Variants in ACYP1 observed in about 807,000 individuals in gnomAD.
ACYP1 encodes the protein acylphosphatase 1.
A neutral mutation model predicts 10.4 loss-of-function variants in ACYP1; 8 were observed. The observed-to-expected ratio is 0.77, with a 90% CI of 0.45 to 1.38. The LOEUF (loss-of-function observed/expected upper bound fraction) is 1.38, where lower values mean the gene tolerates loss of function less well. ACYP1 is among the 40% of genes most tolerant of loss of function. ACYP1 has a pLI of 0.00. For missense variants in ACYP1, 93 were observed against 117.3 expected (o/e 0.79, Z 0.96); for synonymous variants, 38 against 40.8 (o/e 0.93, Z 0.26).
intron 2 of ACYP1, among the ~76,000 whole-genome samples, chr14:75,062,091 A>C (rs1470227806): frequency 9.9e-6 from 1 of 101,000 alleles, no homozygotes; most frequent in Non-Finnish European, 2.1e-5. Context: ...AAAAGAATGA[A>C]ACTCTGTCTC....
chr14:75,056,336 G>A lies in ACYP1; in HGVS notation c.85-2677C>T, dbSNP rs1472645137. Among the ~76,000 whole-genome samples, 2 of 151,440 alleles carry A rather than the reference G, an allele frequency of 1.3e-5. 1 individual carries two copies. Among genetic ancestry groups the A allele is most frequent in the African/African-American group, 4.9e-5 (2 of 40,922 alleles). ...GCATTATCCTCATACTAAAACTAAA[G>A]CTAAAAAATAAAAATGAAAAATAAG... On this transcript the variant is annotated intron_variant, in intron 2 of 2. Coordinates refer to ENST00000238618, the MANE Select transcript of ACYP1 (RefSeq NM_001107.5).
chr14:75,059,866 G>A (rs1892975181), intron 2 of ACYP1: 2 of 169,270 alleles, frequency 1.2e-5, no homozygotes, highest in African/African-American at 2.4e-5. Context: ...AGCCACAAAA[G>A]GACAAATACT....
In ACYP1 at chr14:75,053,577, A is replaced by G. The variant is rs1390537404; in HGVS notation, c.167T>C (p.Ile56Thr). 1.9e-6 allele frequency: 3 copies of G among 1,614,088 alleles called. No individual in the cohort carries two copies. Among genetic ancestry groups the G allele is most frequent in the African/African-American group, 1.3e-5 (1 of 74,996 alleles). ...GTVQGQLQGP[I>T]SKVRHMQEWL... Reference sequence around the variant, plus strand: ...TTCCTGCATATGACGCACCTTGGAGATGGGACCTTGCAATTGTCCTTGCAC... The same window carrying G: ...TTCCTGCATATGACGCACCTTGGAGGTGGGACCTTGCAATTGTCCTTGCAC... Residue 56 changes from isoleucine to threonine, a missense_variant, in exon 3 of 3, where the codon ATC becomes ACC. Physicochemically the swap from Ile to Thr is moderately conservative, Grantham distance 89. Transcript: ENST00000238618.
intron 2 of ACYP1, chr14:75,062,935 A>G (rs1313085407): frequency 6.5e-6 from 1 of 154,356 alleles, no homozygotes; most frequent in Non-Finnish European, 1.4e-5. Flanking sequence ...GAATGGATAA[A>G]GAGTTTTTAA....
At chr14:75,059,513 G>C (rs1892967277) in intron 2 of ACYP1, among the ~76,000 whole-genome samples, 1 of 152,110 alleles carries the variant, frequency 6.6e-6, no homozygotes, top group Non-Finnish European at 1.5e-5. Flanking sequence ...AAATTAAAAA[G>C]ACAACCCACA....
chr14:75,056,063 C>T (rs1447430256), intron 2 of ACYP1, among the ~76,000 whole-genome samples: 1 of 151,188 alleles, frequency 6.6e-6, no homozygotes, highest in Non-Finnish European at 1.5e-5. Context: ...ACAACCAAAA[C>T]TGAATCAAGA....
At chr14:75,062,095 C>G (rs1200132551) in intron 2 of ACYP1, among the ~76,000 whole-genome samples, 5 of 58,258 alleles carry the variant, frequency 8.6e-5, no homozygotes, top group Non-Finnish European at 1.5e-4. Context: ...GAATGAAACT[C>G]TGTCTCAAAA....
chr14:75,064,320 T>C (rs1200767669), upstream of ACYP1: 2 of 152,242 alleles, frequency 1.3e-5, no homozygotes, highest in African/African-American at 4.8e-5. Flanking sequence ...ATACATTCAA[T>C]CATTCAATTA....
intron 2 of ACYP1, chr14:75,063,160 CTT>C (rs1347489776): frequency 2.9e-6 from 1 of 341,108 alleles, no homozygotes; most frequent in African/African-American, 2.1e-5. Flanking sequence ...AGAAACCTGA[CTT>C]GGTTTGATGA....
rs762215772 is a variant in ACYP1, at chr14:75,063,509, A to C, written c.45T>G (p.Phe15Leu). 3.7e-6 allele frequency: 6 copies of C among 1,613,880 alleles called. No individual in the cohort carries two copies. Among genetic ancestry groups the C allele is most frequent in the Non-Finnish European group, 5.1e-6 (6 of 1,179,878 alleles). ...NTLISVDYEI[F>L]GKVQGVFFRK... is the part of the protein sequence containing the mutation. ...GGAAAAACACCCCTTGCACCTTCCC[A>C]AAAATTTCATAATCCACTGATATCA... Residue 15 changes from phenylalanine (F) to leucine (L), a missense_variant, in exon 2 of 3, where the codon TTT becomes TTG. By Grantham distance (22) the Phe-to-Leu change is conservative (BLOSUM62 0). Coordinates refer to ENST00000238618, the MANE Select transcript of ACYP1 (RefSeq NM_001107.5).
At chr14:75,057,208 CAATGAAAAACTGAA>C (rs1892897667) in intron 2 of ACYP1, among the ~76,000 whole-genome samples, 1 of 151,284 alleles carries the variant, frequency 6.6e-6, no homozygotes, top group African/African-American at 2.4e-5. Flanking sequence ...TATACACTAG[CAATGAAAAACTGAA>C]AATGAAATTA....
In ACYP1 at chr14:75,053,516, G is replaced by A. The variant is rs775451365; in HGVS notation, c.228C>T (p.Ile76=). The change falls in exon 3 of 3, where the codon ATC becomes ATT. Residue 76 remains isoleucine, a synonymous_variant. Coordinates refer to ENST00000238618, the MANE Select transcript of ACYP1 (RefSeq NM_001107.5). ...LETRGSPKSH[I]DKANFNNEKV... ...TTTCATTGTTGAAGTTTGCTTTGTCGATGTGTGATTTAGGACTTCCTCTTG... is the reference window on the plus strand; with the variant it reads ...TTTCATTGTTGAAGTTTGCTTTGTCAATGTGTGATTTAGGACTTCCTCTTG... 5 of 1,613,992 alleles carry A rather than the reference G, an allele frequency of 3.1e-6. No individual in the cohort carries two copies. The highest frequency in any genetic ancestry group is 2.2e-5 in the East Asian group (1 of 44,888).
chr14:75,060,262 C>G, intron 2 of ACYP1: 1 of 690,634 alleles, frequency 1.4e-6, no homozygotes, highest in Non-Finnish European at 2.6e-6. Flanking sequence ...TCATTAATAC[C>G]TGAAAAACAA....
rs751612318 is a variant in ACYP1 at position 75,069,281 on chromosome 14, G to C, written c.11C>G (p.Ser4Cys). 17 of 1,447,246 alleles carry C rather than the reference G, an allele frequency of 1.2e-5. No individual in the cohort carries two copies. The South Asian group carries it at 2.4e-4, about 20-fold the overall frequency. 89.7% of individuals were successfully genotyped at this position (1,447,246 alleles called of 1,614,324 possible). ...CAGCCCCGCTCCCGCCAGGCGGGCG[G>C]ACGCCGGCATCCTGCGGCGGAAGCA... The change falls in exon 1 of 3, where the codon TCC becomes TGC. Residue 4 changes from serine to cysteine, a missense_variant. Coordinates refer to the ACYP1 transcript ENST00000555463.
intron 2 of ACYP1, among the ~76,000 whole-genome samples, chr14:75,055,079 CTTTTTTTTTTTTTTT>C (rs33920224): frequency 4.0e-5 from 3 of 75,086 alleles, no homozygotes; most frequent in South Asian, 6.3e-4. Context: ...TATCTGAACT[CTTTTTTTTTTTTTTT>C]TTTTTTTTTT....
upstream of ACYP1, among the ~76,000 whole-genome samples, chr14:75,067,816 A>G (rs1446544131): frequency 5.9e-5 from 9 of 151,440 alleles, no homozygotes; most frequent in South Asian, 1.5e-3. Context: ...TAACAAAGGG[A>G]GACCCTGTCT....
At chr14:75,060,179 C>A (rs1594794611) in intron 2 of ACYP1, 4 of 629,630 alleles carry the variant, frequency 6.4e-6, no homozygotes, top group East Asian at 2.8e-5. Context: ...TTCCAGTTAT[C>A]CTTTTTATTT....
chr14:75,060,166 A>G, intron 2 of ACYP1: 1 of 626,152 alleles, frequency 1.6e-6, no homozygotes, highest in East Asian at 2.8e-5. Context: ...ATATTTTGGG[A>G]TTTTCCAGTT....
intron 2 of ACYP1, chr14:75,060,296 A>T: frequency 1.5e-6 from 1 of 678,660 alleles, no homozygotes; most frequent in Non-Finnish European, 2.7e-6. Context: ...ATGAAATATT[A>T]CCTCATACCC....
Sources: allele counts gnomAD v4.1 joint callset (sites outside exome capture counted in the v4.1 genomes callset), GRCh38; gene constraint gnomAD v4.1.1; transcripts MANE v1.5; gene names NCBI Gene and HGNC (gene_info 2026-07-23, HGNC 2026-07-21).